FNDC3A: variants seen among roughly 807,000 people sequenced by gnomAD.
The protein encoded by FNDC3A is fibronectin type III domain containing 3A, also known as fibronectin type-III domain-containing protein 3A.
A neutral mutation model predicts 148.9 loss-of-function variants in FNDC3A; 32 were observed. The ratio of observed to expected loss-of-function variants is 0.21; its 90% CI spans 0.16 to 0.29. FNDC3A has a LOEUF of 0.29. FNDC3A is among the 10% of genes least tolerant of loss of function. The pLI is 1.00. For missense variants in FNDC3A, 1,191 were observed against 1,452.8 expected, an observed-to-expected ratio of 0.82 and a Z score of 2.93; for synonymous variants, 472 against 473.6, an observed-to-expected ratio of 1.00 and a Z score of 0.04.
chr13:49,115,187 G>GT (rs1455221835), intron 4 of FNDC3A, among the ~76,000 whole-genome samples: 2 of 125,514 alleles, frequency 1.6e-5, no homozygotes, highest in East Asian at 4.1e-4. Flanking sequence ...GGGATGAGGG[G>GT]GGGGGGGAAA....
chr13:49,177,938 A>C (rs1444544332), intron 13 of FNDC3A, among the ~76,000 whole-genome samples: 1 of 152,218 alleles, frequency 6.6e-6, no homozygotes, highest in East Asian at 1.9e-4. Context: ...AATTAGGGGA[A>C]AGTTGCACAA....
In FNDC3A at chr13:49,010,251, G is replaced by A. The variant is rs567114150; in HGVS notation, c.99+3962G>A. Among the ~76,000 whole-genome samples, 7 of 152,312 alleles carry A rather than the reference G, an allele frequency of 4.6e-5. 1 individual carries two copies. Among genetic ancestry groups the A allele is most frequent in the Admixed American group, 4.6e-4 (7 of 15,304 alleles). On this transcript the variant is annotated intron_variant, in intron 2 of 25. Coordinates refer to ENST00000492622, the MANE Select transcript of FNDC3A (RefSeq NM_001079673.2). ...CTTTGGGCTGTAAGGGTGATCCCTG[G>A]TAGCCTGGTACCTGGCCTGGGATGG...
intron 2 of FNDC3A, among the ~76,000 whole-genome samples, chr13:49,009,603 T>C (rs1952294924): frequency 6.6e-6 from 1 of 152,212 alleles, no homozygotes; most frequent in Non-Finnish European, 1.5e-5. Context: ...GAGATATCTT[T>C]TCCTGATAGC....
chr13:49,102,091 G>A (rs1056978624), intron 3 of FNDC3A, among the ~76,000 whole-genome samples: 1 of 151,916 alleles, frequency 6.6e-6, no homozygotes, highest in African/African-American at 2.4e-5. Context: ...TCCCACCTCA[G>A]CCTCCCCAAA....
intron 7 of FNDC3A, among the ~76,000 whole-genome samples, chr13:49,144,291 A>G (rs1187120609): frequency 1.3e-5 from 2 of 152,162 alleles, no homozygotes; most frequent in Non-Finnish European, 2.9e-5. Context: ...AATGAAACAC[A>G]GTACCAAGAC....
chr13:49,076,144 G>A (rs1321920702), intron 3 of FNDC3A, among the ~76,000 whole-genome samples: 1 of 152,050 alleles, frequency 6.6e-6, no homozygotes, highest in African/African-American at 2.4e-5. Context: ...CAATAAAAAA[G>A]ATGACTGGCT....
At chr13:49,011,773 G>A (rs1240710269) in intron 2 of FNDC3A, among the ~76,000 whole-genome samples, 1 of 151,986 alleles carries the variant, frequency 6.6e-6, no homozygotes, top group Admixed American at 6.6e-5. Flanking sequence ...CTCTGGCCAG[G>A]GCAACAGAGC....
At chr13:49,158,624 T>C (rs1157131351) in intron 8 of FNDC3A, among the ~76,000 whole-genome samples, 2 of 152,224 alleles carry the variant, frequency 1.3e-5, no homozygotes, top group African/African-American at 4.8e-5. Context: ...TTAGTTTAAT[T>C]AGATCCCATT....
intron 2 of FNDC3A, among the ~76,000 whole-genome samples, chr13:49,027,660 T>G (rs1873817078): frequency 6.6e-6 from 1 of 152,066 alleles, no homozygotes; most frequent in East Asian, 1.9e-4. Context: ...AAGAGGTTAA[T>G]TATAATCCCC....
At position 49,040,474 on chromosome 13, in the gene FNDC3A, A is replaced by G. The variant is rs188953672; in HGVS notation, c.99+34185A>G. ...AGGTCTTCAAAATGCCACCAAATCT[A>G]TTGCTAGAAATGAAAGAAGTGAAAG... is the stretch of plus-strand genomic sequence containing the variant. On this transcript the variant is annotated intron_variant, in intron 2 of 25. Transcript: ENST00000492622. 2.1e-3 allele frequency among the ~76,000 whole-genome samples: 322 copies of G among 152,318 alleles called. 2 individuals are homozygous for G. Among genetic ancestry groups the G allele is most frequent in the African/African-American group, 6.9e-3 (286 of 41,568 alleles).
chr13:49,091,273 GA>G (rs200341981), intron 3 of FNDC3A, among the ~76,000 whole-genome samples: 45 of 138,844 alleles, frequency 3.2e-4, no homozygotes, highest in African/African-American at 8.2e-4. Flanking sequence ...CCATTCAAAG[GA>G]AAAAAAAAGA....
intron 1 of FNDC3A, among the ~76,000 whole-genome samples, chr13:48,980,999 T>G (rs1218328213): frequency 6.6e-6 from 1 of 152,182 alleles, no homozygotes; most frequent in Non-Finnish European, 1.5e-5. Context: ...ACTTAACTTT[T>G]GTACTTTAAT....
chr13:49,046,839 TA>T (rs1359126443), intron 2 of FNDC3A: 1 of 139,988 alleles, frequency 7.1e-6, no homozygotes, highest in Non-Finnish European at 1.6e-5. Flanking sequence ...AGTCTCTTTT[TA>T]AAAAGTTAAA....
intron 2 of FNDC3A, among the ~76,000 whole-genome samples, chr13:49,024,085 A>G (rs1873524994): frequency 6.6e-6 from 1 of 151,998 alleles, no homozygotes; most frequent in Non-Finnish European, 1.5e-5. Context: ...ATTATTAGAG[A>G]CTACTATGAA....
At chr13:49,197,610 TAAAG>T (rs1300587609) in intron 20 of FNDC3A, 111 bp from the exon 21 acceptor site, 76 of 796,146 alleles carry the variant, frequency 9.5e-5, no homozygotes, top group Non-Finnish European at 1.3e-4. Context: ...TTAAAAGTTT[TAAAG>T]AAACTCAAAA....
intron 2 of FNDC3A, among the ~76,000 whole-genome samples, chr13:49,029,204 T>A (rs1220325045): frequency 6.6e-6 from 1 of 151,974 alleles, no homozygotes; most frequent in Non-Finnish European, 1.5e-5. Flanking sequence ...TTTAAAGAGA[T>A]AGAAATAATA....
At chr13:49,126,922 G>GGA (rs1033948999) in intron 4 of FNDC3A, among the ~76,000 whole-genome samples, 10 of 152,258 alleles carry the variant, frequency 6.6e-5, no homozygotes, top group Admixed American at 2.0e-4. Context: ...AGAAATTATA[G>GGA]GAGAGAGAGA....
intron 3 of FNDC3A, among the ~76,000 whole-genome samples, chr13:49,078,682 A>G (rs1203582752): frequency 6.6e-6 from 1 of 152,218 alleles, no homozygotes; most frequent in East Asian, 1.9e-4. Flanking sequence ...GAAGACAAGA[A>G]AAGACTTCTG....
intron 13 of FNDC3A, 83 bp downstream of exon 13, chr13:49,175,624 C>T: frequency 1.2e-6 from 1 of 832,472 alleles, no homozygotes; most frequent in Non-Finnish European, 1.9e-6. Context: ...ATGGCATTTT[C>T]TAAATATACA....
Sources: allele counts gnomAD v4.1 joint callset (sites outside exome capture counted in the v4.1 genomes callset), GRCh38; gene constraint gnomAD v4.1.1; transcripts MANE v1.5; gene names NCBI Gene and HGNC (gene_info 2026-07-23, HGNC 2026-07-21).